STX17: variants seen among roughly 807,000 people sequenced by gnomAD.
STX17 encodes the protein syntaxin-17.
A neutral mutation model predicts 35.9 loss-of-function variants in STX17; 29 were observed. The observed-to-expected ratio is 0.81, with a 90% confidence interval of 0.60 to 1.10. STX17 has a LOEUF of 1.10. Among genes scored for constraint, STX17 ranks in the 50% least tolerant of loss-of-function variants. The probability of loss-of-function intolerance (pLI) is 0.00; values close to 1 mark genes in which losing one functional copy is unlikely to be tolerated. For synonymous variants in STX17, 92 were observed against 118.3 expected (o/e 0.78, Z 1.44); for missense variants, 312 against 352.3 (o/e 0.89, Z 0.92).
At chr9:99,907,133 A>T (rs1471769233) in intron 1 of STX17, 1 of 152,400 alleles carries the variant, frequency 6.6e-6, no homozygotes, top group East Asian at 1.9e-4. Context: ...GAATGACGCG[A>T]CGCTCGATGG....
intron 3 of STX17, among the ~76,000 whole-genome samples, chr9:99,932,991 C>A (rs2118392883): frequency 6.6e-6 from 1 of 152,194 alleles, no homozygotes; most frequent in Non-Finnish European, 1.5e-5. Context: ...ATGGTTCCTA[C>A]TTTGGCGGCT....
chr9:99,968,353 A>T, intron 7 of STX17, 81 bp from the exon 8 acceptor site: 2 of 1,481,558 alleles, frequency 1.3e-6, no homozygotes, highest in Non-Finnish European at 1.8e-6. Flanking sequence ...CATTGCCAGG[A>T]GTAATGAGAG....
At chr9:99,929,731 A>T (rs1045268669) in intron 3 of STX17, 1 of 151,592 alleles carries the variant, frequency 6.6e-6, no homozygotes, top group Non-Finnish European at 1.5e-5. Context: ...TATATTGATT[A>T]TGGAGATATT....
At chr9:99,952,658 A>G (rs1415655530) in intron 4 of STX17, among the ~76,000 whole-genome samples, 1 of 152,202 alleles carries the variant, frequency 6.6e-6, no homozygotes, top group African/African-American at 2.4e-5. Context: ...CGACTGGATT[A>G]GGAAAATGTG....
rs1315981502 is a variant in STX17, at chr9:99,951,053, T to C, written c.190-7T>C. On this transcript the variant is annotated splice_region_variant and splice_polypyrimidine_tract_variant and intron_variant, in intron 3 of 7. Coordinates refer to ENST00000259400, the MANE Select transcript of STX17 (RefSeq NM_017919.3). ...ATGGTGGCATTAATGATTTTTTTCT[T>C]TTATAGCAACTCCGATCCAATATCC... is the stretch of plus-strand genomic sequence containing the variant. The C allele has an allele frequency of 6.3e-7, 1 of 1,592,792 alleles. No homozygotes were observed. Among genetic ancestry groups the C allele is most frequent in the African/African-American group, 1.4e-5 (1 of 73,556 alleles).
intron 3 of STX17, among the ~76,000 whole-genome samples, chr9:99,944,473 A>G (rs957210283): frequency 1.1e-3 from 160 of 150,914 alleles, no homozygotes; most frequent in African/African-American, 3.8e-3. Context: ...GGCTGCCTGT[A>G]GGTTTAAATA....
chr9:99,945,731 A>G (rs865983855), intron 3 of STX17: 10 of 405,424 alleles, frequency 2.5e-5, no homozygotes, highest in African/African-American at 6.4e-5. Context: ...TAGGAACTAC[A>G]TTTGAGCCTT....
intron 3 of STX17, among the ~76,000 whole-genome samples, 164 bp from the exon 4 acceptor site, chr9:99,950,896 T>C (rs193228515): frequency 4.6e-5 from 7 of 152,154 alleles, no homozygotes; most frequent in African/African-American, 1.7e-4. Context: ...AGATGCTGCA[T>C]TTGGCCAGCC....
chr9:99,929,943 C>G (rs1354565965), intron 3 of STX17: 1 of 116,726 alleles, frequency 8.6e-6, no homozygotes, highest in Non-Finnish European at 1.6e-5. Flanking sequence ...AACAGAGTCT[C>G]ACTCTGTTGC....
At chr9:99,951,411 T>A in intron 4 of STX17, 126 bp downstream of exon 4, 1 of 821,110 alleles carries the variant, frequency 1.2e-6, no homozygotes, top group Non-Finnish European at 1.9e-6. Context: ...ATATGCTGAA[T>A]CCTTGGACCC....
intron 1 of STX17, among the ~76,000 whole-genome samples, chr9:99,914,575 G>A (rs1828728900): frequency 6.6e-6 from 1 of 152,122 alleles, no homozygotes; most frequent in Non-Finnish European, 1.5e-5. Context: ...TTTTGAATCA[G>A]TTGTAGGCAA....
At chr9:99,919,680 G>A (rs932789301) in intron 2 of STX17, among the ~76,000 whole-genome samples, 5 of 152,192 alleles carry the variant, frequency 3.3e-5, no homozygotes, top group Non-Finnish European at 7.3e-5. Context: ...GGTTTAATGA[G>A]AAGGGAGATT....
intron 6 of STX17, among the ~76,000 whole-genome samples, chr9:99,960,624 A>G (rs1479891865): frequency 2.6e-5 from 4 of 152,000 alleles, no homozygotes; most frequent in Admixed American, 1.3e-4. Context: ...TTGTATTTTT[A>G]GTGAAGACGG....
At chr9:99,928,023 G>A (rs976658289) in intron 2 of STX17, among the ~76,000 whole-genome samples, 1 of 151,822 alleles carries the variant, frequency 6.6e-6, no homozygotes, top group Non-Finnish European at 1.5e-5. Context: ...TTGATGTTTT[G>A]GGAATGTGTA....
intron 4 of STX17, among the ~76,000 whole-genome samples, chr9:99,951,938 A>G (rs1829608985): frequency 6.6e-6 from 1 of 152,030 alleles, no homozygotes; most frequent in Non-Finnish European, 1.5e-5. Context: ...CAATGGAATA[A>G]CTGATAAGGT....
At position 99,971,635 on chromosome 9, in the gene STX17, T is replaced by C. The variant is rs890564964; in HGVS notation, c.*2962T>C. Among the ~76,000 whole-genome samples the C allele has an allele frequency of 2.0e-5, 3 of 152,198 alleles. No individual in the cohort carries two copies. The highest frequency in any genetic ancestry group is 4.4e-5 in the Non-Finnish European group (3 of 68,042). ...GAGAAAATAATTTGCAGAGGTTTAC[T>C]CAACTACAAAGGGGTGAAGCCAGGA... is the stretch of plus-strand genomic sequence containing the variant. On this transcript the variant is annotated 3_prime_UTR_variant, in exon 8 of 8. Transcript: ENST00000259400.
At chr9:99,954,740 T>C (rs1829673829) in intron 4 of STX17, among the ~76,000 whole-genome samples, 3 of 152,084 alleles carry the variant, frequency 2.0e-5, no homozygotes, top group African/African-American at 7.2e-5. Context: ...CTAAATAAAT[T>C]GGTTGGAAAC....
At position 99,963,285 on chromosome 9, in the gene STX17, A is replaced by G. The variant is rs1329427548; in HGVS notation, c.582+3130A>G. Among the ~76,000 whole-genome samples the G allele has an allele frequency of 2.0e-5, 3 of 152,140 alleles. No homozygotes were observed. In the East Asian group the frequency reaches 5.8e-4, roughly 29 times the overall value. On this transcript the variant is annotated intron_variant, in intron 6 of 7. Coordinates refer to ENST00000259400, the MANE Select transcript of STX17 (RefSeq NM_017919.3). ...TGTTCAAGTGCCCTCTTCTCTCCCT[A>G]TAACTTTGTAACTAGCCCTATTTCT...
At chr9:99,907,347 G>C (rs1215600734) in intron 1 of STX17, 1 of 152,164 alleles carries the variant, frequency 6.6e-6, no homozygotes, top group Admixed American at 6.5e-5. Flanking sequence ...GGAAGAAATC[G>C]GGCGCCACTA....
Sources: gnomAD v4.1 joint callset for allele counts (sites outside exome capture counted in the v4.1 genomes callset) on GRCh38, gnomAD v4.1.1 for gene constraint, MANE v1.5 for transcripts, NCBI Gene and HGNC (gene_info 2026-07-23, HGNC 2026-07-21) for gene names.